Variants in SLC4A8 observed in about 807,000 individuals in gnomAD.
SLC4A8 encodes solute carrier family 4 member 8, also known as electroneutral sodium bicarbonate exchanger 1.
A neutral mutation model predicts 125.0 loss-of-function variants in SLC4A8; 40 were observed. The observed-to-expected ratio is 0.32, with a 90% CI of 0.25 to 0.42. The LOEUF (loss-of-function observed/expected upper bound fraction) is 0.42. Ranked by LOEUF, SLC4A8 falls within the 10% of genes least tolerant of loss-of-function variation. The pLI is 1.00. For synonymous variants in SLC4A8, 456 were observed against 476.0 expected, an observed-to-expected ratio of 0.96 and a Z score of 0.55; for missense variants, 863 against 1,355.1, an observed-to-expected ratio of 0.64 and a Z score of 5.70.
At chr12:51,477,990 G>T (rs1030852125) in intron 16 of SLC4A8, among the ~76,000 whole-genome samples, 2 of 152,128 alleles carry the variant, frequency 1.3e-5, no homozygotes, top group African/African-American at 4.8e-5. Context: ...AATTAGCTGG[G>T]CATGGGCCGG....
intron 8 of SLC4A8, among the ~76,000 whole-genome samples, chr12:51,460,433 G>T (rs1290093336): frequency 6.6e-6 from 1 of 152,016 alleles, no homozygotes; most frequent in Non-Finnish European, 1.5e-5. Flanking sequence ...GAAAATTGAG[G>T]TATATTTGAT....
intron 1 of SLC4A8, among the ~76,000 whole-genome samples, chr12:51,433,399 C>T (rs1184110033): frequency 1.3e-5 from 2 of 151,914 alleles, no homozygotes; most frequent in African/African-American, 4.8e-5. Context: ...TTTTTCCTTC[C>T]TTTCTTCCTT....
At position 51,458,617 on chromosome 12, in the gene SLC4A8, G is replaced by T. The variant is rs1279329237; in HGVS notation, c.822G>T (p.Val274=). The T allele has an allele frequency of 1.2e-6, 2 of 1,613,846 alleles. No individual in the cohort carries two copies. Among genetic ancestry groups the T allele is most frequent in the African/African-American group, 2.7e-5 (2 of 75,034 alleles). The change falls in exon 7 of 25, where the codon GTG becomes GTT. Residue 274 remains valine, a synonymous_variant. Transcript: ENST00000453097. ...PTTNLEVKNG[V]NCEHSPVDLS... ...CAAATCTTGAAGTAAAAAATGGAGT[G>T]AATTGTGAACATAGTCCTGTGGATT...
chr12:51,400,779 C>CATGTATATATATATATAT (rs1948369367), intron 1 of SLC4A8, among the ~76,000 whole-genome samples: 1 of 23,280 alleles, frequency 4.3e-5, no homozygotes, highest in Admixed American at 4.7e-4. Flanking sequence ...TATATATATA[C>CATGTATATATATATATAT]ATACATACAC....
Position 51,459,981 on chromosome 12 carries a change from A to G in SLC4A8, c.886A>G (p.Thr296Ala). 6.2e-6 allele frequency: 10 copies of G among 1,613,742 alleles called. No individual in the cohort carries two copies. Among genetic ancestry groups the G allele is most frequent in the Non-Finnish European group, 7.6e-6 (9 of 1,179,766 alleles). The change falls in exon 8 of 25, where the codon ACT becomes GCT. Residue 296 changes from threonine (T) to alanine (A), a missense_variant. Physicochemically the swap from Thr to Ala is moderately conservative, Grantham distance 58 (BLOSUM62 0). Transcript: ENST00000453097. Reference protein sequence around the residue: ...VDLHFMKKIPTGAEASNVLVG... With the variant: ...VDLHFMKKIPAGAEASNVLVG... ...CCTTCATTTCATGAAAAAAATTCCT[A>G]CTGGGGCCGAGGCCTCCAATGTCCT... is the stretch of plus-strand genomic sequence containing the variant.
At chr12:51,474,015 C>T (rs748870175) in intron 14 of SLC4A8, among the ~76,000 whole-genome samples, 2 of 77,002 alleles carry the variant, frequency 2.6e-5, no homozygotes, top group Non-Finnish European at 2.7e-5. Flanking sequence ...AGATAGAAAT[C>T]GGGCAAAAAC....
At position 51,470,496 on chromosome 12, in the gene SLC4A8, G is replaced by A. The variant is rs1306468843; in HGVS notation, c.1629G>A (p.Val543=). ...TGGGAAGTACTGGACCAGTGCTTGT[G>A]TTTGAAAAGATTTTGTTCAAATTCT... ...TILGSTGPVL[V]FEKILFKFCK... The change falls in exon 13 of 25, where the codon GTG becomes GTA. Residue 543 remains valine (V), a synonymous_variant. Coordinates refer to ENST00000453097, the MANE Select transcript of SLC4A8 (RefSeq NM_001039960.3). The A allele has an allele frequency of 6.2e-7, 1 of 1,613,666 alleles. No homozygotes were observed. The highest frequency in any genetic ancestry group is 1.1e-5 in the South Asian group (1 of 91,050).
chr12:51,438,615 A>G (rs1360546254), intron 1 of SLC4A8, among the ~76,000 whole-genome samples: 1 of 152,160 alleles, frequency 6.6e-6, no homozygotes, highest in East Asian at 1.9e-4. Flanking sequence ...TCTTTAATAT[A>G]GTGATTTCCT....
chr12:51,469,387 T>C (rs1251483444), intron 11 of SLC4A8, among the ~76,000 whole-genome samples: 1 of 152,220 alleles, frequency 6.6e-6, no homozygotes, highest in Non-Finnish European at 1.5e-5. Context: ...CATATCTAAA[T>C]TAATTCTTTG....
chr12:51,487,506 G>T (rs1951191745), intron 17 of SLC4A8, among the ~76,000 whole-genome samples: 1 of 152,170 alleles, frequency 6.6e-6, no homozygotes. Context: ...AAATATAACA[G>T]TCTGTGCTTT....
intron 1 of SLC4A8, chr12:51,425,338 G>A: frequency 2.5e-6 from 3 of 1,221,548 alleles, no homozygotes; most frequent in Non-Finnish European, 3.1e-6. Flanking sequence ...GCGTCTTTCT[G>A]TTGGAAGGGG....
intron 1 of SLC4A8, among the ~76,000 whole-genome samples, chr12:51,417,558 C>A (rs1948709591): frequency 1.4e-5 from 2 of 147,768 alleles, no homozygotes; most frequent in South Asian, 4.3e-4. Context: ...CACACTGTCG[C>A]CCAGACTGGT....
intron 2 of SLC4A8, among the ~76,000 whole-genome samples, chr12:51,449,370 A>G (rs991557863): frequency 6.6e-6 from 1 of 151,736 alleles, no homozygotes; most frequent in Non-Finnish European, 1.5e-5. Flanking sequence ...GGCTACCATG[A>G]GTGGTGATCA....
At chr12:51,425,200 GA>G (rs949075070) in intron 1 of SLC4A8, 165 bp downstream of exon 1, 9 of 1,419,810 alleles carry the variant, frequency 6.3e-6, no homozygotes, top group Non-Finnish European at 8.2e-6. Context: ...GGCGGTTGGG[GA>G]CCAGGCCAGG....
intron 3 of SLC4A8, 66 bp from the exon 4 acceptor site, chr12:51,452,058 G>T: frequency 6.6e-7 from 1 of 1,510,322 alleles, no homozygotes. Context: ...GTTAGGTAAG[G>T]AAGAATGCTA....
chr12:51,452,633 G>T (rs777367327), intron 4 of SLC4A8, among the ~76,000 whole-genome samples: 6 of 152,208 alleles, frequency 3.9e-5, no homozygotes, highest in Non-Finnish European at 8.8e-5. Context: ...CATAGGTCCA[G>T]ACTTCTTCTG....
At chr12:51,427,513 C>T (rs1396702747) in intron 1 of SLC4A8, among the ~76,000 whole-genome samples, 4 of 151,848 alleles carry the variant, frequency 2.6e-5, no homozygotes, top group Non-Finnish European at 4.4e-5. Flanking sequence ...AGTAGGACCT[C>T]ATGAAGGCTG....
At chr12:51,494,518 A>G (rs1210210929) in intron 20 of SLC4A8, 1 of 148,696 alleles carries the variant, frequency 6.7e-6, no homozygotes, top group African/African-American at 2.5e-5. Context: ...TGTAAGGATG[A>G]TCATTTTTTA....
rs200169298 is a variant in SLC4A8, at chr12:51,458,128, A to T, written c.764-431A>T. Among the ~76,000 whole-genome samples the T allele has an allele frequency of 7.2e-5, 11 of 152,326 alleles. No homozygotes were observed. In the East Asian group the frequency reaches 1.7e-3, roughly 24 times the overall value. ...GCATGGTGGATTATAATCACTCAGA[A>T]TTTTGGCTACTGATTGGTTCCTTTT... On this transcript the variant is annotated intron_variant, in intron 6 of 24. Transcript: ENST00000453097.
Sources: gnomAD v4.1 joint callset for allele counts (sites outside exome capture counted in the v4.1 genomes callset) on GRCh38, gnomAD v4.1.1 for gene constraint, MANE v1.5 for transcripts, NCBI Gene and HGNC (gene_info 2026-07-23, HGNC 2026-07-21) for gene names.